The following GABPA variants were observed in gnomAD, a reference collection of about 807,000 sequenced individuals.
GABPA encodes the protein GA binding protein transcription factor subunit alpha, also known as GA-binding protein alpha chain.
A neutral mutation model predicts 59.4 loss-of-function variants in GABPA; 4 were observed. That is an observed-to-expected ratio of 0.07 (90% CI 0.03 to 0.15). The LOEUF is 0.15. Ranked by LOEUF, GABPA falls within the 10% of genes least tolerant of loss-of-function variation. The pLI, the probability that GABPA is intolerant of heterozygous loss-of-function variation, is 1.00. For missense variants in GABPA, 251 were observed against 543.8 expected, an observed-to-expected ratio of 0.46 and a Z score of 5.36; for synonymous variants, 164 against 183.1, an observed-to-expected ratio of 0.90 and a Z score of 0.84.
chr21:25,745,152 T>C, intron 2 of GABPA, 58 bp from the exon 3 acceptor site: 1 of 1,574,440 alleles, frequency 6.4e-7, no homozygotes, highest in South Asian at 1.1e-5. Flanking sequence ...AGCATATTGT[T>C]GCTTTGAAAT....
At chr21:25,737,446 A>G (rs2035106388) in intron 1 of GABPA, among the ~76,000 whole-genome samples, 1 of 152,236 alleles carries the variant, frequency 6.6e-6, no homozygotes, top group South Asian at 2.1e-4. Context: ...ATATTTTTTG[A>G]CAGATCATTT....
intron 3 of GABPA, among the ~76,000 whole-genome samples, chr21:25,748,021 C>T (rs928252715): frequency 6.6e-5 from 10 of 152,116 alleles, no homozygotes; most frequent in African/African-American, 2.2e-4. Context: ...ATTTTCATGC[C>T]TCAGCCTCCC....
intron 1 of GABPA, among the ~76,000 whole-genome samples, chr21:25,740,315 T>G (rs1033320972): frequency 6.6e-6 from 1 of 152,244 alleles, no homozygotes; most frequent in African/African-American, 2.4e-5. Flanking sequence ...TGAAATCTTG[T>G]AAGTGGGAGC....
At chr21:25,759,551 C>G (rs1248836090) in intron 6 of GABPA, among the ~76,000 whole-genome samples, 1 of 152,064 alleles carries the variant, frequency 6.6e-6, no homozygotes, top group Non-Finnish European at 1.5e-5. Context: ...TGGAGAGAGG[C>G]ATTTCTTAAT....
chr21:25,749,021 T>G lies in GABPA; in HGVS notation c.223-15T>G. ...ATTGCACTGAAATAATCTTACTCAT[T>G]TTATCCATGGTTAGCTGGATCCAGA... On this transcript the variant is annotated splice_polypyrimidine_tract_variant and intron_variant, in intron 3 of 9. Transcript: ENST00000400075. 1 of 1,545,252 alleles carries G rather than the reference T, an allele frequency of 6.5e-7. No individual in the cohort carries two copies. Among genetic ancestry groups the G allele is most frequent in the Non-Finnish European group, 8.9e-7 (1 of 1,118,000 alleles).
intron 7 of GABPA, 61 bp from the exon 8 acceptor site, chr21:25,764,149 A>AT (rs778178173): frequency 0.049 from 49,008 of 1,008,002 alleles, no homozygotes; most frequent in Middle Eastern, 0.056. Context: ...TCTTTCAGTA[A>AT]TTTTTTTTTT....
chr21:25,746,270 C>A (rs1312057448), intron 3 of GABPA, among the ~76,000 whole-genome samples: 3 of 152,124 alleles, frequency 2.0e-5, no homozygotes, highest in Non-Finnish European at 4.4e-5. Context: ...CTGCCTTGGC[C>A]TCCCAAAGTG....
intron 2 of GABPA, among the ~76,000 whole-genome samples, chr21:25,742,294 G>C (rs1036086415): frequency 2.6e-5 from 4 of 152,190 alleles, no homozygotes; most frequent in Non-Finnish European, 5.9e-5. Context: ...GAGGAAAGTA[G>C]TAGTTAATGG....
At chr21:25,754,993 G>A (rs959951016) in intron 5 of GABPA, among the ~76,000 whole-genome samples, 1 of 152,156 alleles carries the variant, frequency 6.6e-6, no homozygotes, top group Non-Finnish European at 1.5e-5. Context: ...GGACGTTGCA[G>A]TGAGCCGAAA....
intron 2 of GABPA, among the ~76,000 whole-genome samples, chr21:25,744,070 A>G (rs1056819574): frequency 6.9e-6 from 1 of 145,476 alleles, no homozygotes; most frequent in Non-Finnish European, 1.5e-5. Context: ...AAAACCTACC[A>G]GGCTATAGCT....
intron 4 of GABPA, among the ~76,000 whole-genome samples, chr21:25,751,010 C>A (rs368800632): frequency 9.9e-5 from 15 of 152,162 alleles, no homozygotes; most frequent in East Asian, 7.7e-4. Flanking sequence ...TGTGCTTTTT[C>A]TTTAAGCTGT....
chr21:25,755,432 TAAAAA>T (rs968729001), intron 5 of GABPA, among the ~76,000 whole-genome samples: 1,428 of 85,782 alleles, frequency 0.017, 14 homozygotes, highest in Non-Finnish European at 0.025. Context: ...CAAGACTGTC[TAAAAA>T]AAAAAAAAAA....
Position 25,750,275 on chromosome 21 carries a change from A to G in GABPA, c.307+1155A>G, listed in dbSNP as rs71649692. On this transcript the variant is annotated intron_variant, in intron 4 of 9. Transcript: ENST00000400075. ...AGTGAAAGGGAGCGACTGTAAATAC[A>G]GATGAAACTTTATCCACTCGCCTGC... Among the ~76,000 whole-genome samples, 741 of 152,334 alleles carry G rather than the reference A, an allele frequency of 4.9e-3. 6 individuals are homozygous for G. The highest frequency in any genetic ancestry group is 0.017 in the African/African-American group (697 of 41,576).
chr21:25,749,553 T>C (rs1404351697), intron 4 of GABPA, among the ~76,000 whole-genome samples: 1 of 152,210 alleles, frequency 6.6e-6, no homozygotes, highest in African/African-American at 2.4e-5. Context: ...AGATGTCTGC[T>C]GGCTGCGGGG....
intron 5 of GABPA, among the ~76,000 whole-genome samples, chr21:25,754,221 A>G (rs2123536351): frequency 6.6e-6 from 1 of 152,330 alleles, no homozygotes; most frequent in Non-Finnish European, 1.5e-5. Context: ...ATTCATTATT[A>G]AGATGTATTT....
intron 5 of GABPA, among the ~76,000 whole-genome samples, chr21:25,757,121 T>C (rs2123548298): frequency 1.3e-5 from 2 of 152,326 alleles, no homozygotes; most frequent in East Asian, 3.9e-4. Flanking sequence ...TCTACTTTTC[T>C]TATTGAATAG....
chr21:25,766,291 C>G (rs1248750614), intron 9 of GABPA, among the ~76,000 whole-genome samples: 2 of 151,928 alleles, frequency 1.3e-5, no homozygotes, highest in Non-Finnish European at 2.9e-5. Flanking sequence ...TAGCTTGTAG[C>G]TCTACATGTA....
Position 25,771,386 on chromosome 21 carries a change from A to G in GABPA, c.*2154A>G, listed in dbSNP as rs1243084911. 1.3e-5 allele frequency: 2 copies of G among 151,284 alleles called. No homozygotes were observed. The highest frequency in any genetic ancestry group is 4.9e-5 in the African/African-American group (2 of 41,216). The allele number at this position is 151,284 out of a possible 1,614,324, so 9.4% of individuals were successfully genotyped here. ...TTTTATTCATTTTCTCCCTTTAGCAATTTTCATTTTATTTCTCATAATTTG... is the reference window on the plus strand; with the variant it reads ...TTTTATTCATTTTCTCCCTTTAGCAGTTTTCATTTTATTTCTCATAATTTG... On this transcript the variant is annotated 3_prime_UTR_variant, in exon 10 of 10. Transcript: ENST00000400075.
chr21:25,750,573 G>A (rs1384638645), intron 4 of GABPA, among the ~76,000 whole-genome samples: 1 of 152,064 alleles, frequency 6.6e-6, no homozygotes, highest in Middle Eastern at 3.2e-3. Context: ...AAGAAAATTA[G>A]GAAACTGTTT....
Sources: allele counts gnomAD v4.1 joint callset (sites outside exome capture counted in the v4.1 genomes callset), GRCh38; gene constraint gnomAD v4.1.1; transcripts MANE v1.5; gene names NCBI Gene and HGNC (gene_info 2026-07-23, HGNC 2026-07-21).